The following TCF7L1 variants were observed in gnomAD, a reference collection of about 807,000 sequenced individuals.
The protein encoded by TCF7L1 is transcription factor 7-like 1.
In TCF7L1, 18 loss-of-function variants were observed where a neutral mutation model predicts 63.7. That is an observed-to-expected ratio of 0.28 (90% CI 0.20 to 0.42). TCF7L1 has a LOEUF of 0.42. Ranked by LOEUF, TCF7L1 falls within the 10% of genes least tolerant of loss-of-function variation. The pLI is 1.00. For synonymous variants in TCF7L1, 355 were observed against 340.9 expected (o/e 1.04, Z -0.46); for missense variants, 654 against 779.3 (o/e 0.84, Z 1.91).
rs536290735 is a variant in TCF7L1, at chr2:85,306,997, G to A, written c.1257+438G>A. 2.0e-5 allele frequency among the ~76,000 whole-genome samples: 3 copies of A among 152,334 alleles called. No homozygotes were observed. The South Asian group carries it at 6.2e-4, about 32-fold the overall frequency. The stretch of plus-strand genomic sequence containing the variant: ...CATTTATAGAGGACTCTTAAGATCA[G>A]GGAGAAGCCCATACTTCTCTAGAAA... On this transcript the variant is annotated intron_variant, in intron 10 of 11. Coordinates refer to ENST00000282111, the MANE Select transcript of TCF7L1 (RefSeq NM_031283.3). This position sits in a 1 kb window ranked among gnomAD's most constrained non-coding sequence, Gnocchi z 4.3.
intron 3 of TCF7L1, among the ~76,000 whole-genome samples, chr2:85,234,737 A>G (rs539953800): frequency 1.2e-4 from 18 of 152,250 alleles, no homozygotes; most frequent in African/African-American, 4.3e-4. Context: ...TGAAGACGCT[A>G]AAGGTGGTGA....
intron 4 of TCF7L1, among the ~76,000 whole-genome samples, chr2:85,285,580 A>G (rs1681527277): frequency 6.6e-6 from 1 of 152,244 alleles, no homozygotes. Flanking sequence ...CACCTCAGGC[A>G]TAAGCCAGGG....
chr2:85,153,865 T>A (rs1273693071), intron 3 of TCF7L1, among the ~76,000 whole-genome samples: 1 of 152,258 alleles, frequency 6.6e-6, no homozygotes, highest in Non-Finnish European at 1.5e-5. Context: ...TCCCTCTTTT[T>A]TATGCACAGT....
At chr2:85,160,536 A>G (rs1678260838) in intron 3 of TCF7L1, among the ~76,000 whole-genome samples, 1 of 151,974 alleles carries the variant, frequency 6.6e-6, no homozygotes, top group South Asian at 2.1e-4. Flanking sequence ...TATTTTTTGA[A>G]GTCTTGGTAC....
Position 85,220,599 on chromosome 2 carries a change from C to T in TCF7L1, c.442-62896C>T, listed in dbSNP as rs555131991. ...CAGGATGGTCTCGATCTCTTGACCT[C>T]GTTCTCTACCCACCTCAGCCTCCCA... On this transcript the variant is annotated intron_variant, in intron 3 of 11. Coordinates refer to ENST00000282111, the MANE Select transcript of TCF7L1 (RefSeq NM_031283.3). 1.4e-3 allele frequency among the ~76,000 whole-genome samples: 208 copies of T among 152,150 alleles called. 1 individual carries two copies. Among genetic ancestry groups the T allele is most frequent in the Non-Finnish European group, 1.9e-3 (129 of 68,000 alleles).
At chr2:85,235,357 G>A (rs920674889) in intron 3 of TCF7L1, among the ~76,000 whole-genome samples, 13 of 151,248 alleles carry the variant, frequency 8.6e-5, no homozygotes, top group African/African-American at 2.2e-4. Flanking sequence ...CTGTCTCCCC[G>A]AAGCCATTTC....
At chr2:85,152,280 A>G (rs1678035399) in intron 3 of TCF7L1, among the ~76,000 whole-genome samples, 1 of 152,176 alleles carries the variant, frequency 6.6e-6, no homozygotes, top group Non-Finnish European at 1.5e-5. Context: ...TCTGAACCCT[A>G]GGGTTGCATA....
intron 5 of TCF7L1, 139 bp from the exon 6 acceptor site, chr2:85,303,756 A>T: frequency 1.6e-6 from 1 of 613,282 alleles, no homozygotes. Context: ...GGGAGTTGAC[A>T]GAGGGCAAGG....
chr2:85,304,408 C>A, intron 7 of TCF7L1, 70 bp downstream of exon 7: 1 of 1,518,854 alleles, frequency 6.6e-7, no homozygotes, highest in Non-Finnish European at 9.0e-7. Context: ...CACGAAACAG[C>A]TTTTTCTTGC....
At chr2:85,204,800 A>G (rs1679362350) in intron 3 of TCF7L1, 1 of 152,154 alleles carries the variant, frequency 6.6e-6, no homozygotes, top group Non-Finnish European at 1.5e-5. Context: ...ATTTAAATTA[A>G]TCCAATGGGC....
At chr2:85,278,259 C>T (rs1290284628) in intron 3 of TCF7L1, among the ~76,000 whole-genome samples, 2 of 152,178 alleles carry the variant, frequency 1.3e-5, no homozygotes, top group Non-Finnish European at 2.9e-5. Flanking sequence ...CCAAGGAGGG[C>T]TCTAAGGAGG....
intron 4 of TCF7L1, 56 bp downstream of exon 4, chr2:85,283,634 T>C: frequency 6.4e-7 from 1 of 1,567,270 alleles, no homozygotes; most frequent in South Asian, 1.1e-5. Flanking sequence ...CCTCATCCCA[T>C]GCCACTGCCT....
At chr2:85,279,939 A>G (rs546357313) in intron 3 of TCF7L1, among the ~76,000 whole-genome samples, 123 of 152,340 alleles carry the variant, frequency 8.1e-4, no homozygotes, top group Non-Finnish European at 1.6e-3. Context: ...GCAGAAGCCA[A>G]GACTTCTTGT....
intron 6 of TCF7L1, 28 bp from the exon 7 acceptor site, chr2:85,304,227 T>G (rs535187713): frequency 6.2e-7 from 1 of 1,605,494 alleles, no homozygotes; most frequent in African/African-American, 1.3e-5. Context: ...TTTCCCAATA[T>G]GCTGACCAGA....
At chr2:85,231,273 A>G (rs1680072272) in intron 3 of TCF7L1, among the ~76,000 whole-genome samples, 3 of 152,202 alleles carry the variant, frequency 2.0e-5, no homozygotes. Context: ...CCTGGTTTGT[A>G]TTCCTACTTT....
chr2:85,236,637 C>T (rs1680198633), intron 3 of TCF7L1, among the ~76,000 whole-genome samples: 1 of 152,106 alleles, frequency 6.6e-6, no homozygotes, highest in Non-Finnish European at 1.5e-5. Flanking sequence ...GAGAGCCTTG[C>T]CGGGGATCAG....
chr2:85,243,695 TG>T (rs1221603722), intron 3 of TCF7L1, among the ~76,000 whole-genome samples: 2 of 152,060 alleles, frequency 1.3e-5, no homozygotes, highest in African/African-American at 4.8e-5. Flanking sequence ...GGGTTCTGAG[TG>T]GGCAGGATTC....
At chr2:85,232,295 C>A (rs375637405) in intron 3 of TCF7L1, among the ~76,000 whole-genome samples, 3 of 152,126 alleles carry the variant, frequency 2.0e-5, no homozygotes, top group African/African-American at 7.2e-5. Context: ...GATGCTCAGC[C>A]CGGTCAAGCG....
At chr2:85,158,504 A>T (rs999543976) in intron 3 of TCF7L1, among the ~76,000 whole-genome samples, 3 of 152,158 alleles carry the variant, frequency 2.0e-5, no homozygotes, top group Non-Finnish European at 4.4e-5. Flanking sequence ...TGTCTGCCCA[A>T]ACTCTTGCCT....
Sources: allele counts gnomAD v4.1 joint callset (sites outside exome capture counted in the v4.1 genomes callset), GRCh38; gene constraint gnomAD v4.1.1; non-coding constraint Gnocchi (gnomAD v3.1); transcripts MANE v1.5; gene names NCBI Gene and HGNC (gene_info 2026-07-23, HGNC 2026-07-21).